NRDC: variants seen among roughly 807,000 people sequenced by gnomAD.
NRDC encodes nardilysin.
Under a neutral mutation model 147.1 loss-of-function variants are expected in NRDC, and 54 were observed. That is an observed-to-expected ratio of 0.37 (90% CI 0.29 to 0.46). NRDC has a LOEUF of 0.46. NRDC is among the 20% of genes least tolerant of loss of function. The pLI, the probability that NRDC is intolerant of heterozygous loss-of-function variation, is 1.00. For missense variants in NRDC, 1,082 were observed against 1,370.6 expected, an observed-to-expected ratio of 0.79 and a Z score of 3.33; for synonymous variants, 440 against 482.1, an observed-to-expected ratio of 0.91 and a Z score of 1.14.
At chr1:51,839,307 A>G (rs1217002465) in intron 2 of NRDC, among the ~76,000 whole-genome samples, 1 of 151,824 alleles carries the variant, frequency 6.6e-6, no homozygotes, top group Non-Finnish European at 1.5e-5. Context: ...AACCACAGGC[A>G]TGTGCCACCA....
At chr1:51,871,147 T>C (rs968760222) in intron 1 of NRDC, among the ~76,000 whole-genome samples, 1 of 151,938 alleles carries the variant, frequency 6.6e-6, no homozygotes, top group Non-Finnish European at 1.5e-5. Context: ...TGAAATCCCC[T>C]CTCTACTAAA....
chr1:51,864,949 TAA>T (rs76818656), intron 1 of NRDC, among the ~76,000 whole-genome samples: 32 of 133,764 alleles, frequency 2.4e-4, no homozygotes, highest in South Asian at 2.4e-4. Context: ...GACCTGGTCT[TAA>T]AAAAAAAAAA....
At chr1:51,830,342 C>A (rs1275263746) in intron 4 of NRDC, among the ~76,000 whole-genome samples, 1 of 152,120 alleles carries the variant, frequency 6.6e-6, no homozygotes, top group South Asian at 2.1e-4. Flanking sequence ...GTCTCAGAAT[C>A]TGTTTGTGTT....
intron 20 of NRDC, among the ~76,000 whole-genome samples, chr1:51,801,824 A>G (rs1006324545): frequency 2.0e-5 from 3 of 151,496 alleles, no homozygotes; most frequent in African/African-American, 7.3e-5. Flanking sequence ...TCTTCGCTCT[A>G]TTGCCCAGGC....
intron 11 of NRDC, 73 bp from the exon 12 acceptor site, chr1:51,814,886 A>G: frequency 1.4e-6 from 2 of 1,393,114 alleles, no homozygotes; most frequent in Non-Finnish European, 1.9e-6. Context: ...AATTAACAAA[A>G]TATAGAGGCT....
At position 51,803,769 on chromosome 1, in the gene NRDC, G is replaced by A. The variant is rs772109163; in HGVS notation, c.2313+45C>T. The A allele has an allele frequency of 7.1e-5, 106 of 1,482,522 alleles. No individual in the cohort carries two copies. In the South Asian group the frequency reaches 1.0e-3, roughly 14 times the overall value. 91.8% of individuals were successfully genotyped at this position (1,482,522 alleles called of 1,614,324 possible). The stretch of plus-strand genomic sequence containing the variant: ...ATGCACAAACCTCTAAATAAATATG[G>A]TATTTTAATGCTCTCTATAAGGAAA... On this transcript the variant is annotated intron_variant, in intron 20 of 30. Coordinates refer to ENST00000352171, the MANE Select transcript of NRDC (RefSeq NM_001101662.2).
intron 1 of NRDC, chr1:51,859,710 T>C (rs1274678694): frequency 6.6e-6 from 1 of 152,244 alleles, no homozygotes; most frequent in African/African-American, 2.4e-5. Context: ...AGGGTACCTG[T>C]GTCACAGTTT....
Position 51,826,493 on chromosome 1 carries a change from C to T in NRDC, c.941-1111G>A, listed in dbSNP as rs181298885. ...AATAAAAATAGAGACTGCACTTTGA[C>T]ACATAATTAAGATTTAAAAAGGCAT... On this transcript the variant is annotated intron_variant, in intron 5 of 30. Coordinates refer to ENST00000352171, the MANE Select transcript of NRDC (RefSeq NM_001101662.2). Among the ~76,000 whole-genome samples the T allele has an allele frequency of 5.3e-5, 8 of 152,268 alleles. No homozygotes were observed. In the East Asian group the frequency reaches 1.5e-3, roughly 29 times the overall value.
Position 51,827,814 on chromosome 1 carries a change from C to T in NRDC, c.922G>A (p.Val308Ile). ...LMIRDAIDRE[V>I]EAVDSEYQLA... ...CTCTTACCACTATCAACAGCTTCAACTTCACGGTCAATTGCATCTCTGATC... is the reference window on the plus strand; with the variant it reads ...CTCTTACCACTATCAACAGCTTCAATTTCACGGTCAATTGCATCTCTGATC... The change falls in exon 5 of 31, where the codon GTT (valine) becomes ATT (isoleucine). Residue 308 changes from valine (V) to isoleucine (I), a missense_variant. By Grantham distance (29) the Val-to-Ile change is conservative. This residue lies in a region of NRDC where 635 missense variants were observed against 923.8 expected (regional missense o/e 0.69). Transcript: ENST00000352171. 1.2e-6 allele frequency: 2 copies of T among 1,613,896 alleles called. No individual in the cohort carries two copies. Among genetic ancestry groups the T allele is most frequent in the Non-Finnish European group, 1.7e-6 (2 of 1,179,864 alleles).
At chr1:51,795,132 T>C (rs1332770728) in intron 22 of NRDC, 1 of 1,402,600 alleles carries the variant, frequency 7.1e-7, no homozygotes, top group African/African-American at 1.4e-5. Context: ...TGTTCAGTGT[T>C]GGTTTACCCA....
chr1:51,854,285 T>C (rs1029180323), intron 1 of NRDC, among the ~76,000 whole-genome samples: 3 of 152,132 alleles, frequency 2.0e-5, no homozygotes, highest in African/African-American at 7.2e-5. Context: ...GAAGAATCGC[T>C]TGAACCCAGG....
chr1:51,860,881 A>G (rs1682495400), intron 1 of NRDC, among the ~76,000 whole-genome samples: 1 of 152,118 alleles, frequency 6.6e-6, no homozygotes, highest in Non-Finnish European at 1.5e-5. Context: ...ACTTTTGTTA[A>G]TATTTCCCAA....
In NRDC at chr1:51,798,404, G is replaced by A. The variant is rs769735120; in HGVS notation, c.2449C>T (p.Arg817Trp). ...IKPETLAKDV[R>W]LLILEYARWS... ...CGGGCATATTCCAAGATTAAAAGCC[G>A]TACATCTCTGTACAGAGGGCAGAAA... Residue 817 changes from arginine to tryptophan, a missense_variant, in exon 22 of 31, where the codon CGG becomes TGG. Coordinates refer to ENST00000352171, the MANE Select transcript of NRDC (RefSeq NM_001101662.2). The A allele has an allele frequency of 1.5e-5, 24 of 1,611,680 alleles. 1 individual carries two copies. The East Asian group carries it at 2.2e-4, about 15-fold the overall frequency.
chr1:51,791,945 G>T, intron 26 of NRDC, 101 bp downstream of exon 26: 1 of 1,207,498 alleles, frequency 8.3e-7, no homozygotes, highest in Non-Finnish European at 1.2e-6. Context: ...TGAGATGGAA[G>T]GAAGCTCTAA....
At chr1:51,798,134 G>T in intron 22 of NRDC, 115 bp downstream of exon 22, 1 of 1,045,176 alleles carries the variant, frequency 9.6e-7, no homozygotes, top group Non-Finnish European at 1.4e-6. Context: ...CTTCTAAACA[G>T]AATATGATAA....
chr1:51,796,361 C>T (rs1678911886), intron 22 of NRDC, among the ~76,000 whole-genome samples: 1 of 151,754 alleles, frequency 6.6e-6, no homozygotes, highest in Non-Finnish European at 1.5e-5. Context: ...GCCTCAGCCT[C>T]CCAAGAAGCT....
intron 1 of NRDC, among the ~76,000 whole-genome samples, chr1:51,864,824 T>C (rs1682727097): frequency 6.6e-6 from 1 of 151,850 alleles, no homozygotes. Context: ...TGGTGGTGCA[T>C]GCCTGTAGTT....
intron 22 of NRDC, chr1:51,795,356 G>C (rs1390333528): frequency 8.0e-6 from 4 of 498,254 alleles, no homozygotes; most frequent in Non-Finnish European, 1.3e-5. Flanking sequence ...GAAATTCATG[G>C]TACTAAGGAC....
chr1:51,845,855 T>C (rs1300499855), intron 1 of NRDC, among the ~76,000 whole-genome samples: 1 of 152,058 alleles, frequency 6.6e-6, no homozygotes, highest in East Asian at 1.9e-4. Flanking sequence ...TAAACAGATA[T>C]TGAATAAACA....
Sources: gnomAD v4.1 joint callset for allele counts (sites outside exome capture counted in the v4.1 genomes callset) on GRCh38, gnomAD v4.1.1 for gene constraint, gnomAD v4.1.1 regional missense constraint, MANE v1.5 for transcripts, NCBI Gene and HGNC (gene_info 2026-07-23, HGNC 2026-07-21) for gene names.